PCDHGA7: variants seen among roughly 807,000 people sequenced by gnomAD.
PCDHGA7 encodes the protein protocadherin gamma-A7.
In PCDHGA7, 44 loss-of-function variants were observed where a neutral mutation model predicts 58.3. That is an observed-to-expected ratio of 0.75 (90% CI 0.59 to 0.97). The LOEUF is 0.97. Ranked by LOEUF, PCDHGA7 falls within the 50% of genes least tolerant of loss-of-function variation. PCDHGA7 has a pLI of 0.00. For synonymous variants in PCDHGA7, 516 were observed against 504.2 expected, an observed-to-expected ratio of 1.02 and a Z score of -0.31; for missense variants, 1,266 against 1,188.7, an observed-to-expected ratio of 1.06 and a Z score of -0.96.
chr5:141,446,469 T>C (rs538381725), intron 1 of PCDHGA7, among the ~76,000 whole-genome samples: 2 of 149,740 alleles, frequency 1.3e-5, no homozygotes, highest in South Asian at 4.2e-4. Flanking sequence ...TGATTAGACA[T>C]ATGGTCATCA....
Position 141,384,549 on chromosome 5 carries a change from G to T in PCDHGA7, c.1650G>T (p.Leu550=), listed in dbSNP as rs1561602881. The change falls in exon 1 of 4, where the codon CTG becomes CTT. Residue 550 remains leucine, a synonymous_variant. Transcript: ENST00000518325. ...PPLSSNMSLS[L]FVLDQNDNPP... ...TCAGCAGCAACATGTCACTGAGCCTGTTCGTGCTGGACCAGAATGACAACC... is the reference window on the plus strand; with the variant it reads ...TCAGCAGCAACATGTCACTGAGCCTTTTCGTGCTGGACCAGAATGACAACC... 6.2e-7 allele frequency: 1 copy of T among 1,614,244 alleles called. No individual in the cohort carries two copies. Among genetic ancestry groups the T allele is most frequent in the East Asian group, 2.2e-5 (1 of 44,890 alleles).
intron 2 of PCDHGA7, among the ~76,000 whole-genome samples, chr5:141,503,598 C>CAA (rs765754054): frequency 1.5e-4 from 10 of 65,698 alleles, no homozygotes; most frequent in African/African-American, 2.3e-4. Context: ...GACTCCAGCT[C>CAA]AAAAAAAAAA....
At chr5:141,495,071 C>A (rs1391869079) in intron 2 of PCDHGA7, among the ~76,000 whole-genome samples, 1 of 152,160 alleles carries the variant, frequency 6.6e-6, no homozygotes, top group Non-Finnish European at 1.5e-5. Flanking sequence ...AAGCTCAATT[C>A]ACATGCTTGC....
intron 1 of PCDHGA7, chr5:141,415,059 C>A: frequency 1.2e-6 from 2 of 1,613,396 alleles, no homozygotes; most frequent in Non-Finnish European, 1.7e-6. Flanking sequence ...AGCACACGGG[C>A]GAGGTGCGCA....
At chr5:141,475,778 T>A (rs1204790631) in intron 1 of PCDHGA7, among the ~76,000 whole-genome samples, 1 of 152,400 alleles carries the variant, frequency 6.6e-6, no homozygotes. Context: ...GCGCTTTGGC[T>A]GGAAACTCTG....
At chr5:141,464,056 G>C (rs2154568334) in intron 1 of PCDHGA7, among the ~76,000 whole-genome samples, 1 of 152,210 alleles carries the variant, frequency 6.6e-6, no homozygotes, top group East Asian at 1.9e-4. Context: ...CCTGAGGTCA[G>C]GAGTTCAAGG....
chr5:141,385,424 C>CT, intron 1 of PCDHGA7, 101 bp downstream of exon 1: 1 of 1,461,926 alleles, frequency 6.8e-7, no homozygotes, highest in Admixed American at 2.8e-5. Flanking sequence ...ATTTAAAAAA[C>CT]TTTATAGAGG....
intron 1 of PCDHGA7, chr5:141,478,111 A>G (rs2099430294): frequency 1.2e-6 from 2 of 1,613,982 alleles, no homozygotes; most frequent in Admixed American, 1.7e-5. Context: ...TCACTGTGTC[A>G]GTAACCGAGG....
At chr5:141,427,570 C>T (rs1487817661) in intron 1 of PCDHGA7, 1 of 662,270 alleles carries the variant, frequency 1.5e-6, no homozygotes, top group Admixed American at 2.1e-5. Context: ...GGCAAGCCTC[C>T]GCTCTCATCC....
At chr5:141,415,401 G>A (rs1408496357) in intron 1 of PCDHGA7, 9 of 1,614,088 alleles carry the variant, frequency 5.6e-6, no homozygotes, top group East Asian at 2.2e-5. Context: ...TGTCCGGCTC[G>A]CACTTTGTGG....
At position 141,477,761 on chromosome 5, in the gene PCDHGA7, AC is replaced by A. The variant is rs754006143; in HGVS notation, c.2425-17044del. ...CGATGGGGGCACCCCGGTCCTAGCC[AC>A]CAACATCAGCGTGAACATATTTGTC... On this transcript the variant is annotated intron_variant, in intron 1 of 3. Coordinates refer to ENST00000518325, the MANE Select transcript of PCDHGA7 (RefSeq NM_018920.4). This position sits in a 1 kb window ranked among gnomAD's most constrained non-coding sequence, Gnocchi z 4.9. 5 of 1,613,854 alleles carry A rather than the reference AC, an allele frequency of 3.1e-6. No homozygotes were observed. Among genetic ancestry groups the A allele is most frequent in the Non-Finnish European group, 4.2e-6 (5 of 1,180,044 alleles).
intron 1 of PCDHGA7, among the ~76,000 whole-genome samples, chr5:141,463,809 T>G (rs964935762): frequency 1.3e-5 from 2 of 152,216 alleles, no homozygotes; most frequent in African/African-American, 4.8e-5. Context: ...TAAAAGCTTT[T>G]ATCACACATT....
chr5:141,427,626 C>T, intron 1 of PCDHGA7: 1 of 699,934 alleles, frequency 1.4e-6, no homozygotes, highest in Non-Finnish European at 2.6e-6. Flanking sequence ...CGACAATGCT[C>T]CGGTTTTCCA....
chr5:141,452,494 T>C (rs1186924396), intron 1 of PCDHGA7, among the ~76,000 whole-genome samples: 2 of 152,192 alleles, frequency 1.3e-5, no homozygotes, highest in African/African-American at 4.8e-5. Flanking sequence ...CACACCCATA[T>C]TTATATTTGT....
intron 1 of PCDHGA7, among the ~76,000 whole-genome samples, chr5:141,424,839 A>G (rs1264853498): frequency 6.6e-6 from 1 of 152,198 alleles, no homozygotes; most frequent in Non-Finnish European, 1.5e-5. Context: ...CATACATGTT[A>G]TCTGAAGCAA....
At chr5:141,426,830 C>A (rs559240163) in intron 1 of PCDHGA7, 301 of 456,662 alleles carry the variant, frequency 6.6e-4, no homozygotes, top group African/African-American at 5.8e-3. Flanking sequence ...TGATGATGGA[C>A]AAGACTAAAG....
chr5:141,419,122 C>T (rs1418298635), intron 1 of PCDHGA7: 2 of 1,613,862 alleles, frequency 1.2e-6, no homozygotes, highest in African/African-American at 1.3e-5. Flanking sequence ...ACAACGTCAC[C>T]ATCGCAGCCA....
intron 1 of PCDHGA7, among the ~76,000 whole-genome samples, chr5:141,429,564 C>A (rs995466828): frequency 2.0e-5 from 3 of 152,092 alleles, no homozygotes; most frequent in African/African-American, 7.2e-5. Flanking sequence ...TGATAATATT[C>A]AGTTACATTT....
At chr5:141,393,299 G>T (rs768038476) in intron 1 of PCDHGA7, 8 of 1,613,780 alleles carry the variant, frequency 5.0e-6, no homozygotes, top group Middle Eastern at 1.6e-4. Context: ...ACCCGGATGT[G>T]GGCGTGAACT....
Sources: gnomAD v4.1 joint callset for allele counts (sites outside exome capture counted in the v4.1 genomes callset) on GRCh38, gnomAD v4.1.1 for gene constraint, Gnocchi (gnomAD v3.1) non-coding constraint, MANE v1.5 for transcripts, NCBI Gene and HGNC (gene_info 2026-07-23, HGNC 2026-07-21) for gene names.